The following THRB variants were observed in gnomAD, a reference collection of about 807,000 sequenced individuals.
THRB encodes the protein thyroid hormone receptor beta.
THRB carries 12 observed loss-of-function variants against 47.8 expected under a neutral mutation model. The ratio of observed to expected loss-of-function variants is 0.25; its 90% CI spans 0.16 to 0.41. THRB has a LOEUF of 0.41. Among genes scored for constraint, THRB ranks in the 10% least tolerant of loss-of-function variants. The pLI is 1.00. For synonymous variants in THRB, 218 were observed against 212.2 expected (o/e 1.03, Z -0.24); for missense variants, 348 against 589.2 (o/e 0.59, Z 4.24).
At chr3:24,150,481 G>GA (rs1301011957) in intron 6 of THRB, among the ~76,000 whole-genome samples, 4 of 151,870 alleles carry the variant, frequency 2.6e-5, no homozygotes, top group African/African-American at 4.8e-5. Context: ...CACAGAATCT[G>GA]AAAAAAAATC....
chr3:24,202,260 C>A (rs1262877791), intron 4 of THRB, among the ~76,000 whole-genome samples: 1 of 152,158 alleles, frequency 6.6e-6, no homozygotes, highest in Non-Finnish European at 1.5e-5. Context: ...ATTCTTCATC[C>A]CATAATCTTT....
chr3:24,461,798 C>T (rs763947194), intron 1 of THRB, among the ~76,000 whole-genome samples: 1 of 152,136 alleles, frequency 6.6e-6, no homozygotes, highest in Non-Finnish European at 1.5e-5. Flanking sequence ...TTATTGTCAG[C>T]TATGTTCAAG....
rs901173891 is a variant in THRB, at chr3:24,310,152, G to A, written c.-188-12781C>T. The stretch of plus-strand genomic sequence containing the variant: ...TTATTTAAAATCTCTCTTTGTCAAT[G>A]TGATATTCAATCATGCTACTACTTA... On this transcript the variant is annotated intron_variant, in intron 2 of 10. Transcript: ENST00000646209. 3.3e-5 allele frequency among the ~76,000 whole-genome samples: 5 copies of A among 152,158 alleles called. No individual in the cohort carries two copies. The East Asian group carries it at 9.6e-4, about 29-fold the overall frequency.
At chr3:24,258,542 G>A (rs1394187961) in intron 3 of THRB, among the ~76,000 whole-genome samples, 2 of 152,148 alleles carry the variant, frequency 1.3e-5, no homozygotes, top group Admixed American at 6.5e-5. Context: ...TCTCACCTAT[G>A]ATAGCTTTGT....
intron 1 of THRB, among the ~76,000 whole-genome samples, chr3:24,353,577 G>T (rs2063490500): frequency 6.6e-6 from 1 of 152,162 alleles, no homozygotes; most frequent in Non-Finnish European, 1.5e-5. Flanking sequence ...GTGCAGGTCA[G>T]TGTGGATATC....
intron 3 of THRB, among the ~76,000 whole-genome samples, chr3:24,241,799 G>C (rs1459683135): frequency 1.3e-5 from 2 of 152,108 alleles, no homozygotes; most frequent in Non-Finnish European, 2.9e-5. Flanking sequence ...CAGATGCACC[G>C]CCTCTATCCC....
At chr3:24,131,023 G>C (rs572072691) in intron 9 of THRB, among the ~76,000 whole-genome samples, 2 of 152,162 alleles carry the variant, frequency 1.3e-5, no homozygotes, top group African/African-American at 4.8e-5. Flanking sequence ...TGCTGGTAAC[G>C]ATCTGCTTCT....
intron 3 of THRB, among the ~76,000 whole-genome samples, chr3:24,294,682 G>T (rs577057390): frequency 1.4e-4 from 21 of 152,282 alleles, no homozygotes; most frequent in African/African-American, 5.1e-4. Context: ...AGGGCAACAA[G>T]ATGGAGGGCA....
At chr3:24,423,548 T>C (rs576509421) in intron 1 of THRB, among the ~76,000 whole-genome samples, 25 of 151,988 alleles carry the variant, frequency 1.6e-4, no homozygotes, top group African/African-American at 5.5e-4. Flanking sequence ...ACTTATTCAA[T>C]GCCCTTCAAC....
At chr3:24,467,473 CTA>C (rs1427555078) in intron 1 of THRB, among the ~76,000 whole-genome samples, 2 of 152,186 alleles carry the variant, frequency 1.3e-5, no homozygotes, top group Non-Finnish European at 2.9e-5. Flanking sequence ...GAATCTCTAT[CTA>C]TGCAGCTATA....
intron 1 of THRB, among the ~76,000 whole-genome samples, chr3:24,491,582 A>G (rs1234777273): frequency 1.3e-5 from 2 of 152,170 alleles, no homozygotes; most frequent in African/African-American, 4.8e-5. Flanking sequence ...ACCAAGACCT[A>G]TTTATTTCTA....
intron 1 of THRB, among the ~76,000 whole-genome samples, chr3:24,409,336 A>G (rs368381771): frequency 2.0e-5 from 3 of 152,004 alleles, no homozygotes; most frequent in African/African-American, 7.2e-5. Flanking sequence ...TAAATCAAGT[A>G]TGATGAACAA....
intron 2 of THRB, among the ~76,000 whole-genome samples, chr3:24,327,602 T>G (rs928244478): frequency 2.6e-5 from 4 of 152,212 alleles, no homozygotes; most frequent in Non-Finnish European, 5.9e-5. Context: ...CAGACAAAGG[T>G]TCCTGTGTCC....
chr3:24,205,575 G>T (rs1227082368), intron 4 of THRB, among the ~76,000 whole-genome samples: 1 of 152,212 alleles, frequency 6.6e-6, no homozygotes. Flanking sequence ...ATCGATGCTA[G>T]AAAGAAACTG....
chr3:24,429,302 G>GAT (rs1017498730), intron 1 of THRB, among the ~76,000 whole-genome samples: 1 of 149,912 alleles, frequency 6.7e-6, no homozygotes, highest in Non-Finnish European at 1.5e-5. Context: ...TATTCACCTT[G>GAT]ATATATATAT....
chr3:24,416,839 A>G (rs2068773575), intron 1 of THRB, among the ~76,000 whole-genome samples: 1 of 151,726 alleles, frequency 6.6e-6, no homozygotes, highest in Admixed American at 6.6e-5. Context: ...GCACTGTAAA[A>G]AGCTCCCCAG....
intron 3 of THRB, among the ~76,000 whole-genome samples, chr3:24,256,658 C>T (rs954253412): frequency 6.6e-6 from 1 of 152,074 alleles, no homozygotes; most frequent in East Asian, 1.9e-4. Context: ...GACACCTCTA[C>T]TGTACTTGGG....
chr3:24,282,767 C>T (rs2150856125), intron 3 of THRB, among the ~76,000 whole-genome samples: 1 of 149,888 alleles, frequency 6.7e-6, no homozygotes, highest in South Asian at 2.1e-4. Flanking sequence ...CCACCGATCC[C>T]ACAGAAATAC....
rs139580903 is a variant in THRB, at chr3:24,489,106, T to C, written c.-261+5546A>G. ...CTGTCCCTACTAAAATTACAAAAAT[T>C]AGCTGGGTGTGGTGGCATGTGCCTG... On this transcript the variant is annotated intron_variant, in intron 1 of 10. Transcript: ENST00000646209. 1.4e-4 allele frequency among the ~76,000 whole-genome samples: 22 copies of C among 151,990 alleles called. No individual in the cohort carries two copies. The East Asian group carries it at 3.5e-3, about 24-fold the overall frequency.
Sources: allele counts gnomAD v4.1 joint callset (sites outside exome capture counted in the v4.1 genomes callset), GRCh38; gene constraint gnomAD v4.1.1; transcripts MANE v1.5; gene names NCBI Gene and HGNC (gene_info 2026-07-23, HGNC 2026-07-21).